URB1: variants seen among roughly 807,000 people sequenced by gnomAD.
The protein encoded by URB1 is nucleolar pre-ribosomal-associated protein 1.
A neutral mutation model predicts 242.3 loss-of-function variants in URB1; 197 were observed. That is an observed-to-expected ratio of 0.81 (90% CI 0.72 to 0.91). The LOEUF is 0.91. Among genes scored for constraint, URB1 ranks in the 40% least tolerant of loss-of-function variants. URB1 has a pLI of 0.00. For synonymous variants in URB1, 1,153 were observed against 1,201.8 expected, an observed-to-expected ratio of 0.96 and a Z score of 0.84; for missense variants, 2,721 against 2,860.5, an observed-to-expected ratio of 0.95 and a Z score of 1.11.
At chr21:32,336,603 T>G (rs1004908450) in intron 28 of URB1, among the ~76,000 whole-genome samples, 1 of 152,032 alleles carries the variant, frequency 6.6e-6, no homozygotes, top group African/African-American at 2.4e-5. Flanking sequence ...ACCAAAAGAC[T>G]GGGAGCCCAG....
rs2033238031 is a variant in URB1, at chr21:32,357,681, T to G, written c.1870-25A>C. 3 of 1,396,684 alleles carry G rather than the reference T, an allele frequency of 2.1e-6. No homozygotes were observed. In the South Asian group the frequency reaches 5.6e-5, roughly 26 times the overall value. 86.5% of individuals were successfully genotyped at this position (1,396,684 alleles called of 1,614,324 possible). A position where few individuals can be genotyped will look rare whatever the true frequency, so the allele number is the denominator to read the frequency against. On this transcript the variant is annotated intron_variant, in intron 14 of 38. Coordinates refer to ENST00000382751, the MANE Select transcript of URB1 (RefSeq NM_014825.3). ...CCTAGAGTTTAAACAATATTACGTA[T>G]TTTTAGTATATATAATTACATATAT... is the stretch of plus-strand genomic sequence containing the variant.
intron 1 of URB1, among the ~76,000 whole-genome samples, chr21:32,390,489 T>G (rs2033626172): frequency 6.6e-6 from 1 of 152,016 alleles, no homozygotes; most frequent in Non-Finnish European, 1.5e-5. Context: ...TTCTTGTAAA[T>G]TTGTTTGAGT....
rs1053159862 is a variant in URB1, at chr21:32,320,609, G to A, written c.5516C>T (p.Ala1839Val). ...NWILEILQNA[A>V]QVARSAYEII... ...TTCATACGCAGATCTGGCAACCTGG[G>A]CAGCATTCTGTAGAATTTCCAGAAT... The change falls in exon 35 of 39, where the codon GCC becomes GTC. Residue 1839 changes from alanine to valine, a missense_variant. By Grantham distance (64) the Ala-to-Val change is moderately conservative (BLOSUM62 0). Transcript: ENST00000382751. 27 of 1,551,650 alleles carry A rather than the reference G, an allele frequency of 1.7e-5. No individual in the cohort carries two copies. The highest frequency in any genetic ancestry group is 3.9e-5 in the Admixed American group (2 of 50,978).
intron 6 of URB1, 144 bp downstream of exon 6, chr21:32,375,254 C>T: frequency 2.1e-6 from 1 of 481,852 alleles, no homozygotes; most frequent in Non-Finnish European, 3.6e-6. Context: ...CAAGTTTCTG[C>T]TTAGGGAAGA....
chr21:32,361,179 G>GAAAGAAAGAAAGAAAGA, intron 12 of URB1, 56 bp from the exon 13 acceptor site: 2 of 761,848 alleles, frequency 2.6e-6, no homozygotes, highest in Non-Finnish European at 4.0e-6. Context: ...AAGAAAGAAA[G>GAAAGAAAGAAAGAAAGA]AAAGAAAGAA....
intron 10 of URB1, among the ~76,000 whole-genome samples, chr21:32,365,912 C>T (rs1017772709): frequency 5.9e-5 from 9 of 152,290 alleles, no homozygotes; most frequent in Admixed American, 1.3e-4. Context: ...AATACCTGTC[C>T]TCCCCCAGGT....
chr21:32,346,838 G>A, intron 22 of URB1, 118 bp downstream of exon 22: 1 of 1,376,438 alleles, frequency 7.3e-7, no homozygotes, highest in Non-Finnish European at 9.6e-7. Flanking sequence ...GTCAGACACT[G>A]GAAACTAACC....
In URB1 at chr21:32,317,705, A is replaced by G. The variant is rs984014565; in HGVS notation, c.6005T>C (p.Ile2002Thr). The change falls in exon 37 of 39, where the codon ATT (isoleucine) becomes ACT (threonine). Residue 2002 changes from isoleucine to threonine, a missense_variant. Transcript: ENST00000382751. ...LKLQEDLRAA[I>T]EKAQARELMK... ...GAGCTCCCGGGCTTGGGCCTTCTCA[A>G]TGGCTGCTCTCAGGTCTTCCTGGAG... is the stretch of plus-strand genomic sequence containing the variant. 32 of 1,551,628 alleles carry G rather than the reference A, an allele frequency of 2.1e-5. No individual in the cohort carries two copies. Among genetic ancestry groups the G allele is most frequent in the Admixed American group, 7.8e-5 (4 of 50,982 alleles).
intron 12 of URB1, 41 bp from the exon 13 acceptor site, chr21:32,361,164 AAAG>A (rs1193123909): frequency 1.7e-6 from 1 of 589,054 alleles, no homozygotes; most frequent in Non-Finnish European, 2.8e-6. Flanking sequence ...GAGAAAAAAG[AAAG>A]AAAGAAAGAA....
chr21:32,325,160 G>T (rs2032814464), intron 31 of URB1, 69 bp downstream of exon 31: 1 of 1,481,804 alleles, frequency 6.7e-7, no homozygotes, highest in Non-Finnish European at 9.0e-7. Flanking sequence ...ACCAAACCGG[G>T]TGGACAGCCA....
rs182869848 is a variant in URB1 at position 32,325,830 on chromosome 21, C to T, written c.4961-441G>A. On this transcript the variant is annotated intron_variant, in intron 30 of 38. Transcript: ENST00000382751. ...TAAGCATCACCGAGGAAAGCACACA[C>T]AGCAGTGAAAGCAGGAAAAGGCAGC... 2.7e-3 allele frequency among the ~76,000 whole-genome samples: 413 copies of T among 152,304 alleles called. 2 individuals are homozygous for T. The highest frequency in any genetic ancestry group is 9.1e-3 in the African/African-American group (379 of 41,562).
At chr21:32,318,527 T>C (rs934015947) in intron 36 of URB1, among the ~76,000 whole-genome samples, 1 of 152,250 alleles carries the variant, frequency 6.6e-6, no homozygotes, top group Admixed American at 6.5e-5. Context: ...AATTTAGTTT[T>C]GAACAATACA....
intron 4 of URB1, among the ~76,000 whole-genome samples, chr21:32,381,453 A>G (rs2033525476): frequency 6.6e-6 from 1 of 151,532 alleles, no homozygotes; most frequent in African/African-American, 2.4e-5. Context: ...CCCTGCCAGC[A>G]CTTCAACAAC....
At chr21:32,378,678 T>C (rs2033487635) in intron 4 of URB1, 137 bp from the exon 5 acceptor site, 2 of 712,980 alleles carry the variant, frequency 2.8e-6, no homozygotes, top group African/African-American at 1.8e-5. Flanking sequence ...CACCAGGGGA[T>C]GCAAGTCTGA....
Position 32,376,979 on chromosome 21 carries a change from C to T in URB1, c.664+1466G>A, listed in dbSNP as rs140505747. Among the ~76,000 whole-genome samples, 1,262 of 152,190 alleles carry T rather than the reference C, an allele frequency of 8.3e-3. 9 individuals are homozygous for T. Among genetic ancestry groups the T allele is most frequent in the Middle Eastern group, 0.041 (12 of 294 alleles). On this transcript the variant is annotated intron_variant, in intron 5 of 38. Transcript: ENST00000382751. ...GGCCAGCCTCCAGAGTATTTTTAAT[C>T]GCTGCATTCCATCTTATGACCAGTC...
chr21:32,329,548 T>C (rs1161094559), intron 30 of URB1, among the ~76,000 whole-genome samples: 1 of 152,188 alleles, frequency 6.6e-6, no homozygotes, highest in Non-Finnish European at 1.5e-5. Context: ...GGACAAGAGT[T>C]TGCTGTGGAA....
intron 16 of URB1, 84 bp downstream of exon 16, chr21:32,355,365 T>C (rs2033207050): frequency 8.4e-7 from 1 of 1,192,826 alleles, no homozygotes; most frequent in Non-Finnish European, 1.2e-6. Flanking sequence ...TTGGTGCTGG[T>C]GCATCAAAAA....
intron 5 of URB1, among the ~76,000 whole-genome samples, chr21:32,376,720 C>G (rs2033463056): frequency 6.6e-6 from 1 of 152,162 alleles, no homozygotes; most frequent in African/African-American, 2.4e-5. Flanking sequence ...TTACTGCAGC[C>G]TTGACATCCC....
At chr21:32,354,176 G>A (rs1219443688) in intron 17 of URB1, 73 bp from the exon 18 acceptor site, 3 of 1,510,494 alleles carry the variant, frequency 2.0e-6, no homozygotes, top group Non-Finnish European at 2.7e-6. Context: ...CCCACAGGGA[G>A]GCAGAAGCAG....
Sources: allele counts gnomAD v4.1 joint callset (sites outside exome capture counted in the v4.1 genomes callset), GRCh38; gene constraint gnomAD v4.1.1; transcripts MANE v1.5; gene names NCBI Gene and HGNC (gene_info 2026-07-23, HGNC 2026-07-21).